SECISBP2L: variants seen among roughly 807,000 people sequenced by gnomAD.
SECISBP2L encodes selenocysteine insertion sequence-binding protein 2-like.
SECISBP2L carries 43 observed loss-of-function variants against 114.7 expected under a neutral mutation model. The ratio of observed to expected loss-of-function variants is 0.38; its 90% CI spans 0.29 to 0.48. SECISBP2L has a LOEUF of 0.48. SECISBP2L is among the 20% of genes least tolerant of loss of function. The pLI is 0.98. For synonymous variants in SECISBP2L, 451 were observed against 439.7 expected (o/e 1.03, Z -0.32); for missense variants, 1,136 against 1,301.1 (o/e 0.87, Z 1.95).
intron 7 of SECISBP2L, chr15:49,019,759 CT>C (rs143068829): frequency 2.6e-6 from 1 of 384,144 alleles, no homozygotes; most frequent in East Asian, 4.2e-5. Context: ...ATCCACATTG[CT>C]TTTTTCCCCT....
intron 13 of SECISBP2L, among the ~76,000 whole-genome samples, chr15:49,011,233 AATC>A (rs1902431432): frequency 6.6e-6 from 1 of 152,224 alleles, no homozygotes; most frequent in South Asian, 2.1e-4. Context: ...TACCAACTGG[AATC>A]ATATGTGTTG....
At chr15:49,024,737 A>T (rs1902707226) in intron 7 of SECISBP2L, among the ~76,000 whole-genome samples, 1 of 152,214 alleles carries the variant, frequency 6.6e-6, no homozygotes, top group Admixed American at 6.5e-5. Flanking sequence ...GAAATTGCAA[A>T]TAGGGAAAAA....
At chr15:49,020,052 G>A (rs1902610300) in intron 7 of SECISBP2L, among the ~76,000 whole-genome samples, 1 of 152,202 alleles carries the variant, frequency 6.6e-6, no homozygotes, top group African/African-American at 2.4e-5. Context: ...GGATTCTAGG[G>A]GATAAGGAGC....
At chr15:49,020,057 A>C (rs891787858) in intron 7 of SECISBP2L, among the ~76,000 whole-genome samples, 1 of 152,226 alleles carries the variant, frequency 6.6e-6, no homozygotes, top group Non-Finnish European at 1.5e-5. Flanking sequence ...CTAGGGGATA[A>C]GGAGCAGTTG....
Position 49,012,926 on chromosome 15 carries a change from ACAT to A in SECISBP2L, c.1562-112_1562-110del, listed in dbSNP as rs990787016. 2.8e-6 allele frequency: 3 copies of A among 1,057,236 alleles called. No homozygotes were observed. In the African/African-American group the frequency reaches 4.8e-5, roughly 17 times the overall value. The allele number at this position is 1,057,236 out of a possible 1,614,324, so 65.5% of individuals were successfully genotyped here. A position where few individuals can be genotyped will look rare whatever the true frequency, so the allele number is the denominator to read the frequency against. Reference sequence around the variant, plus strand: ...ACATCCTCCTCCCATGGAAAAAACGACATCATAACAGTAGGAGCACTATACATG... The same window carrying A: ...ACATCCTCCTCCCATGGAAAAAACGACATAACAGTAGGAGCACTATACATG... On this transcript the variant is annotated intron_variant, in intron 11 of 17. Coordinates refer to ENST00000559471, the MANE Select transcript of SECISBP2L (RefSeq NM_001193489.2).
chr15:49,010,548 T>C (rs1194134925), intron 13 of SECISBP2L, among the ~76,000 whole-genome samples: 1 of 152,180 alleles, frequency 6.6e-6, no homozygotes, highest in African/African-American at 2.4e-5. Context: ...TCTCACTTTG[T>C]CATCCGGGCT....
At chr15:49,043,881 C>G (rs866217632) in intron 1 of SECISBP2L, among the ~76,000 whole-genome samples, 13 of 151,614 alleles carry the variant, frequency 8.6e-5, no homozygotes, top group African/African-American at 2.9e-4. Flanking sequence ...TACAATTTAC[C>G]TTTTCTATAA....
intron 7 of SECISBP2L, among the ~76,000 whole-genome samples, chr15:49,023,272 A>G (rs544168110): frequency 2.0e-5 from 3 of 152,342 alleles, no homozygotes; most frequent in East Asian, 1.9e-4. Context: ...ATAGATCAAG[A>G]TTCAAAAAAT....
At chr15:49,028,775 C>A (rs375266564) in intron 4 of SECISBP2L, 93 bp from the exon 5 acceptor site, 2 of 1,056,604 alleles carry the variant, frequency 1.9e-6, no homozygotes. Flanking sequence ...AAAATAGATA[C>A]CAAACTTCAT....
intron 14 of SECISBP2L, among the ~76,000 whole-genome samples, chr15:49,003,385 C>T (rs921884090): frequency 2.0e-5 from 3 of 152,200 alleles, no homozygotes; most frequent in African/African-American, 7.2e-5. Flanking sequence ...CATCTGCAAA[C>T]AGAGACAATT....
At chr15:49,012,006 T>C in intron 12 of SECISBP2L, 143 bp from the exon 13 acceptor site, 1 of 814,008 alleles carries the variant, frequency 1.2e-6, no homozygotes, top group Non-Finnish European at 1.9e-6. Context: ...AAGGCAAATG[T>C]AATTTCAGAC....
intron 6 of SECISBP2L, 72 bp downstream of exon 6, chr15:49,028,072 A>G (rs1902788462): frequency 2.2e-6 from 3 of 1,363,296 alleles, no homozygotes; most frequent in African/African-American, 1.5e-5. Flanking sequence ...AGCAAGCCTC[A>G]TGCTTAAAAG....
rs979024936 is a variant in SECISBP2L at position 48,989,325 on chromosome 15, A to C, written c.*2919T>G. 3 of 152,136 alleles carry C rather than the reference A, an allele frequency of 2.0e-5. No individual in the cohort carries two copies. Among genetic ancestry groups the C allele is most frequent in the Non-Finnish European group, 4.4e-5 (3 of 67,946 alleles). 9.4% of individuals were successfully genotyped at this position (152,136 alleles called of 1,614,324 possible). On this transcript the variant is annotated 3_prime_UTR_variant, in exon 18 of 18. Coordinates refer to ENST00000559471, the MANE Select transcript of SECISBP2L (RefSeq NM_001193489.2). ...GCTTATTTAGAAATCAGACAAGTACATATTTGGATATTAATTTCTCAGTAT... is the reference window on the plus strand; with the variant it reads ...GCTTATTTAGAAATCAGACAAGTACCTATTTGGATATTAATTTCTCAGTAT...
At position 48,993,996 on chromosome 15, in the gene SECISBP2L, G is replaced by A. The variant is rs150328651; in HGVS notation, c.2624-1070C>T. ...GGTCACCATCTATGGCCTATATATT[G>A]ATATAGAACATGTTTTGGGCACTTC... On this transcript the variant is annotated intron_variant, in intron 17 of 17. Coordinates refer to ENST00000559471, the MANE Select transcript of SECISBP2L (RefSeq NM_001193489.2). Among the ~76,000 whole-genome samples the A allele has an allele frequency of 4.6e-3, 699 of 151,762 alleles. 1 individual carries two copies. The highest frequency in any genetic ancestry group is 0.016 in the African/African-American group (656 of 41,398).
intron 7 of SECISBP2L, among the ~76,000 whole-genome samples, chr15:49,023,979 T>G (rs1032387880): frequency 6.6e-6 from 1 of 152,162 alleles, no homozygotes; most frequent in African/African-American, 2.4e-5. Context: ...AAAATCTCTT[T>G]TACTTTTCAA....
At chr15:49,001,649 T>A (rs1192682601) in intron 14 of SECISBP2L, 1 of 152,562 alleles carries the variant, frequency 6.6e-6, no homozygotes, top group African/African-American at 2.4e-5. Context: ...TGTGTGATGT[T>A]CCCCTCCCTG....
In SECISBP2L at chr15:48,991,921, C is replaced by T. The variant is rs994002500; in HGVS notation, c.*323G>A. On this transcript the variant is annotated 3_prime_UTR_variant, in exon 18 of 18. Transcript: ENST00000559471. ...CTGATAACTGCTTCTATCCTTAGAACCTTGTTCTTTAACTTTCAAAATGTC... is the reference window on the plus strand; with the variant it reads ...CTGATAACTGCTTCTATCCTTAGAATCTTGTTCTTTAACTTTCAAAATGTC... The T allele has an allele frequency of 5.2e-6, 1 of 193,258 alleles. No homozygotes were observed. Among genetic ancestry groups the T allele is most frequent in the African/African-American group, 2.3e-5 (1 of 42,692 alleles). 12.0% of individuals were successfully genotyped at this position (193,258 alleles called of 1,614,324 possible). A position where few individuals can be genotyped will look rare whatever the true frequency, so the allele number is the denominator to read the frequency against.
chr15:49,000,454 G>A (rs1196137464), intron 15 of SECISBP2L, among the ~76,000 whole-genome samples: 1 of 152,150 alleles, frequency 6.6e-6, no homozygotes, highest in Non-Finnish European at 1.5e-5. Flanking sequence ...GTTGCCCATC[G>A]AAAAGGACAA....
intron 4 of SECISBP2L, among the ~76,000 whole-genome samples, chr15:49,031,851 T>C (rs777843427): frequency 3.3e-5 from 5 of 152,188 alleles, no homozygotes; most frequent in Non-Finnish European, 5.9e-5. Context: ...TTTTAAAGCC[T>C]TCCCAGGGTT....
Sources: gnomAD v4.1 joint callset for allele counts (sites outside exome capture counted in the v4.1 genomes callset) on GRCh38, gnomAD v4.1.1 for gene constraint, MANE v1.5 for transcripts, NCBI Gene and HGNC (gene_info 2026-07-23, HGNC 2026-07-21) for gene names.